Variants in GPR143 observed in about 807,000 individuals in gnomAD.
GPR143 encodes the protein G-protein coupled receptor 143.
A neutral mutation model predicts 27.6 loss-of-function variants in GPR143; 8 were observed. The ratio of observed to expected loss-of-function variants is 0.29; its 90% CI spans 0.17 to 0.52. The LOEUF is 0.52. Ranked by LOEUF, GPR143 falls within the 20% of genes least tolerant of loss-of-function variation. GPR143 has a pLI of 0.96. For synonymous variants in GPR143, 156 were observed against 153.2 expected (o/e 1.02, Z -0.13); for missense variants, 303 against 343.1 (o/e 0.88, Z 0.92).
chrX:9,727,505 C>T (rs771183139), intron 8 of GPR143, among the ~76,000 whole-genome samples: 61 of 113,233 alleles, frequency 5.4e-4, no homozygotes, highest in Admixed American at 1.8e-3. Flanking sequence ...CATGGCCGAG[C>T]GAGGCCTGGG....
chrX:9,770,799 T>C (rs2083552122), upstream of GPR143, among the ~76,000 whole-genome samples: 1 of 111,944 alleles, frequency 8.9e-6, no homozygotes, highest in African/African-American at 3.2e-5. Flanking sequence ...AACTCTGTGC[T>C]CAGATAGCTG....
At chrX:9,776,872 T>C (rs1479650584) in intron 1 of GPR143, among the ~76,000 whole-genome samples, 1 of 111,054 alleles carries the variant, frequency 9.0e-6, no homozygotes, top group South Asian at 3.8e-4. Flanking sequence ...GCCTGGCTAA[T>C]TTTTTTCTAT....
intron 3 of GPR143, 133 bp downstream of exon 3, chrX:9,759,199 C>A (rs766201917): frequency 3.9e-6 from 2 of 507,715 alleles, no homozygotes; most frequent in South Asian, 2.6e-5. Context: ...TGTTTCTAGG[C>A]GGAGGGGCCA....
At chrX:9,727,410 A>G (rs1348859385) in intron 8 of GPR143, among the ~76,000 whole-genome samples, 2 of 112,619 alleles carry the variant, frequency 1.8e-5, no homozygotes, top group East Asian at 5.6e-4. Context: ...CTTCTTGGGC[A>G]TGGGACAAGA....
At chrX:9,773,826 T>C (rs1247681729) in intron 1 of GPR143, among the ~76,000 whole-genome samples, 2 of 110,688 alleles carry the variant, frequency 1.8e-5, no homozygotes, top group African/African-American at 3.3e-5. Context: ...GTCGCACCAC[T>C]TCACTCCAGC....
At position 9,748,615 on chromosome X, in the gene GPR143, A is replaced by G; in HGVS notation, c.507T>C (p.Cys169=). Residue 169 remains cysteine, a synonymous_variant, in exon 4 of 9, where the codon TGT becomes TGC. Transcript: ENST00000467482. ...AGTAGAGCATGGCGGCTCCCTCCAC[A>G]CAGAGCAGGGTGGCCAGGCCCCACG... The part of the protein sequence containing the change: ...IMAWGLATLL[C]VEGAAMLYYP... The G allele has an allele frequency of 8.3e-7, 1 of 1,208,673 alleles. No homozygotes were observed. Among genetic ancestry groups the G allele is most frequent in the Non-Finnish European group, 1.1e-6 (1 of 892,553 alleles).
At chrX:9,737,264 A>C (rs2083383258) in intron 8 of GPR143, among the ~76,000 whole-genome samples, 1 of 112,142 alleles carries the variant, frequency 8.9e-6, no homozygotes, top group South Asian at 3.7e-4. Flanking sequence ...TCAAGGCTGC[A>C]GTGAGCCATG....
intron 8 of GPR143, among the ~76,000 whole-genome samples, chrX:9,735,517 T>C (rs777512991): frequency 2.5e-4 from 28 of 110,882 alleles, no homozygotes; most frequent in Non-Finnish European, 4.9e-4. Context: ...AAAACCAACT[T>C]AGTCCTGCAT....
At chrX:9,761,694 T>C (rs1307984028) in intron 1 of GPR143, among the ~76,000 whole-genome samples, 3 of 112,934 alleles carry the variant, frequency 2.7e-5, no homozygotes, top group African/African-American at 9.6e-5. Context: ...ATTTATTCTT[T>C]GTGAGTTTCT....
chrX:9,735,938 G>A (rs776104380), intron 8 of GPR143, among the ~76,000 whole-genome samples: 2 of 111,987 alleles, frequency 1.8e-5, no homozygotes, highest in Admixed American at 9.5e-5. Context: ...ACGCACAGAA[G>A]TAGTATCCGA....
At chrX:9,750,566 T>A (rs761179904) in intron 3 of GPR143, among the ~76,000 whole-genome samples, 2 of 109,342 alleles carry the variant, frequency 1.8e-5, no homozygotes, top group Non-Finnish European at 3.8e-5. Flanking sequence ...CTGGGTCAGA[T>A]GGCATTTTTT....
At chrX:9,733,776 T>C (rs1445283100) in intron 8 of GPR143, among the ~76,000 whole-genome samples, 1 of 111,133 alleles carries the variant, frequency 9.0e-6, no homozygotes, top group East Asian at 2.8e-4. Flanking sequence ...AGACAGATTG[T>C]GGTAGAAAAT....
chrX:9,762,555 C>T (rs955144436), intron 1 of GPR143, among the ~76,000 whole-genome samples: 1 of 111,412 alleles, frequency 9.0e-6, no homozygotes, highest in Non-Finnish European at 1.9e-5. Context: ...ACACACCATG[C>T]GATACACCAC....
upstream of GPR143, chrX:9,766,296 G>A (rs1299743144): frequency 8.9e-6 from 1 of 112,304 alleles, no homozygotes; most frequent in Non-Finnish European, 1.9e-5. Context: ...CATAAACTGT[G>A]ACTGATCCCT....
intron 8 of GPR143, among the ~76,000 whole-genome samples, chrX:9,737,358 C>T (rs1341803724): frequency 9.0e-6 from 1 of 111,729 alleles, no homozygotes; most frequent in Non-Finnish European, 1.9e-5. Context: ...TAGGTGTATC[C>T]ATACAACGAA....
intron 2 of GPR143, among the ~76,000 whole-genome samples, chrX:9,760,403 T>C (rs2146700424): frequency 8.9e-6 from 1 of 112,254 alleles, no homozygotes; most frequent in Non-Finnish European, 1.9e-5. Flanking sequence ...GTATGTTTTA[T>C]TTAATATATT....
chrX:9,750,107 A>T (rs1430276452), intron 3 of GPR143, among the ~76,000 whole-genome samples: 1 of 111,964 alleles, frequency 8.9e-6, no homozygotes, highest in Non-Finnish European at 1.9e-5. Context: ...CATTGTATAC[A>T]TGGGCCAAGA....
chrX:9,764,810 T>G (rs1378182994), intron 1 of GPR143, among the ~76,000 whole-genome samples: 1 of 110,901 alleles, frequency 9.0e-6, no homozygotes, highest in Non-Finnish European at 1.9e-5. Context: ...GTGGATTACC[T>G]GAGGTCAGGA....
intron 3 of GPR143, among the ~76,000 whole-genome samples, chrX:9,749,566 T>G (rs5979170): frequency 0.13 from 14,870 of 111,725 alleles, 2,358 homozygotes; most frequent in African/African-American, 0.46. Flanking sequence ...CTTCCTTCAC[T>G]CAGCATAATG....
Sources: gnomAD v4.1 joint callset for allele counts (sites outside exome capture counted in the v4.1 genomes callset) on GRCh38, gnomAD v4.1.1 for gene constraint, MANE v1.5 for transcripts, NCBI Gene and HGNC (gene_info 2026-07-23, HGNC 2026-07-21) for gene names.